The following PCDH10 variants were observed in gnomAD, a reference collection of about 807,000 sequenced individuals.
PCDH10 encodes protocadherin-10.
A neutral mutation model predicts 74.4 loss-of-function variants in PCDH10; 15 were observed. That is an observed-to-expected ratio of 0.20 (90% CI 0.13 to 0.31). PCDH10 has a LOEUF of 0.31. Ranked by LOEUF, PCDH10 falls within the 10% of genes least tolerant of loss-of-function variation. PCDH10 has a pLI of 1.00. For missense variants in PCDH10, 1,260 were observed against 1,390.2 expected (o/e 0.91, Z 1.49); for synonymous variants, 619 against 589.8 (o/e 1.05, Z -0.72).
chr4:133,152,129 T>G lies in PCDH10; in HGVS notation c.1989T>G (p.His663Gln), dbSNP rs759683647. 1 of 1,567,872 alleles carries G rather than the reference T, an allele frequency of 6.4e-7. No homozygotes were observed. The highest frequency in any genetic ancestry group is 8.6e-7 in the Non-Finnish European group (1 of 1,157,362). Residue 663 changes from histidine (H) to glutamine (Q), a missense_variant, in exon 1 of 5, where the codon CAT becomes CAG. By Grantham distance (24) the His-to-Gln change is conservative. Transcript: ENST00000264360. ...AGCTGGTGATCGAGGTGCGCGACCA[T>G]GGGCAGCCGCCCCTTTCCTCCACCG... ...PYELVIEVRD[H>Q]GQPPLSSTAT...
Position 133,153,130 on chromosome 4 carries a change from C to G in PCDH10, c.2631+359C>G, listed in dbSNP as rs371017845. ...TGGAGGAGGGACTTACTTTCTAGCA[C>G]TGGCAAAGGTCTTTTTTCTTTGCGT... On this transcript the variant is annotated intron_variant, in intron 1 of 4. Transcript: ENST00000264360. 80 of 1,247,698 alleles carry G rather than the reference C, an allele frequency of 6.4e-5. 1 individual carries two copies. The African/African-American group carries it at 1.1e-3, about 17-fold the overall frequency. The allele number at this position is 1,247,698 out of a possible 1,614,324, so 77.3% of individuals were successfully genotyped here.
intron 4 of PCDH10, chr4:133,163,955 T>G: frequency 2.2e-6 from 1 of 449,728 alleles, no homozygotes; most frequent in South Asian, 1.6e-5. Context: ...TTGAATGCAT[T>G]GAGGTTGTGG....
intron 2 of PCDH10, among the ~76,000 whole-genome samples, chr4:133,202,924 C>T (rs1348868019): frequency 6.6e-6 from 1 of 152,044 alleles, no homozygotes; most frequent in African/African-American, 2.4e-5. Flanking sequence ...AGAGAAGGGG[C>T]TGAGGAGAGG....
At chr4:133,198,356 A>C (rs1180403368), downstream of PCDH10, among the ~76,000 whole-genome samples, 1 of 152,228 alleles carries the variant, frequency 6.6e-6, no homozygotes, top group Non-Finnish European at 1.5e-5. Flanking sequence ...AACATACATA[A>C]GTTAAAACAA....
chr4:133,206,142 T>C (rs1240545223), intron 2 of PCDH10, among the ~76,000 whole-genome samples: 5 of 152,118 alleles, frequency 3.3e-5, no homozygotes, highest in Non-Finnish European at 7.4e-5. Flanking sequence ...CCTGGTCTTG[T>C]TAGATAACCA....
intron 2 of PCDH10, 79 bp from the exon 3 acceptor site, chr4:133,154,838 T>G (rs1726829771): frequency 2.0e-6 from 2 of 987,424 alleles, no homozygotes; most frequent in South Asian, 2.6e-5. Flanking sequence ...GCACCATCTG[T>G]GACCATGTGG....
At chr4:133,169,293 T>C (rs1727153682) in intron 4 of PCDH10, among the ~76,000 whole-genome samples, 1 of 151,928 alleles carries the variant, frequency 6.6e-6, no homozygotes, top group Admixed American at 6.5e-5. Context: ...ATTTGCATTT[T>C]AAAATTACAT....
Position 133,167,852 on chromosome 4 carries a change from A to G in PCDH10, c.3103+4570A>G, listed in dbSNP as rs956887421. Among the ~76,000 whole-genome samples, 7 of 151,518 alleles carry G rather than the reference A, an allele frequency of 4.6e-5. No homozygotes were observed. In the East Asian group the frequency reaches 1.4e-3, roughly 29 times the overall value. On this transcript the variant is annotated intron_variant, in intron 4 of 4. Transcript: ENST00000264360. ...TAAATTCCTTTATCCAGGAATTATG[A>G]ATAAATCTGGCATTATCAAAAAGTT...
chr4:133,179,329 G>A (rs1727361582), intron 4 of PCDH10, among the ~76,000 whole-genome samples: 2 of 152,070 alleles, frequency 1.3e-5, no homozygotes, highest in South Asian at 2.1e-4. Flanking sequence ...TTTGACTCAT[G>A]TTCTCCTCTT....
At chr4:133,163,997 A>G (rs755594195) in intron 4 of PCDH10, 1 of 454,772 alleles carries the variant, frequency 2.2e-6, no homozygotes, top group South Asian at 1.6e-5. Context: ...AAGCAAATAG[A>G]CAAGTGTTAT....
In PCDH10 at chr4:133,192,503, C is replaced by A. The variant is rs1021702641; in HGVS notation, c.*2343C>A. 3 of 151,488 alleles carry A rather than the reference C, an allele frequency of 2.0e-5. No individual in the cohort carries two copies. The highest frequency in any genetic ancestry group is 4.8e-5 in the African/African-American group (2 of 41,364). The allele number at this position is 151,488 out of a possible 1,614,324, so 9.4% of individuals were successfully genotyped here. A position where few individuals can be genotyped will look rare whatever the true frequency, so the allele number is the denominator to read the frequency against. On this transcript the variant is annotated 3_prime_UTR_variant, in exon 5 of 5. Coordinates refer to ENST00000264360, the MANE Select transcript of PCDH10 (RefSeq NM_032961.3). The stretch of plus-strand genomic sequence containing the variant: ...TTGTCATTTACCTCAAAGACATTTT[C>A]TTTAATTATTTAACCTTTTATATCA...
At chr4:133,206,314 C>T (rs1371458958) in intron 2 of PCDH10, among the ~76,000 whole-genome samples, 1 of 152,176 alleles carries the variant, frequency 6.6e-6, no homozygotes, top group East Asian at 1.9e-4. Flanking sequence ...TAGGAGCTCT[C>T]TGTTTCAACC....
chr4:133,151,929 G>A lies in PCDH10; in HGVS notation c.1789G>A (p.Gly597Ser), dbSNP rs760385009. The change falls in exon 1 of 5, where the codon GGT becomes AGT. Residue 597 changes from glycine (G) to serine (S), a missense_variant. Coordinates refer to ENST00000264360, the MANE Select transcript of PCDH10 (RefSeq NM_032961.3). ...GGTGCTGCCCCGCTCGGCGGAGCCG[G>A]GTTACCTGCTCACCCGCGTGGCCGC... ...REVLPRSAEP[G>S]YLLTRVAAVD... 3 of 1,612,370 alleles carry A rather than the reference G, an allele frequency of 1.9e-6. No individual in the cohort carries two copies. The highest frequency in any genetic ancestry group is 2.5e-6 in the Non-Finnish European group (3 of 1,179,668).
rs745789163 is a variant in PCDH10 at position 133,152,006 on chromosome 4, T to C, written c.1866T>C (p.Arg622=). The C allele has an allele frequency of 8.7e-6, 14 of 1,612,746 alleles. No homozygotes were observed. Among genetic ancestry groups the C allele is most frequent in the Non-Finnish European group, 9.3e-6 (11 of 1,179,826 alleles). ...CCCGGCTCACTTACAGCATCGTGCGTGGCAACGAAATGAACCTCTTTCGCA... is the reference window on the plus strand; with the variant it reads ...CCCGGCTCACTTACAGCATCGTGCGCGGCAACGAAATGAACCTCTTTCGCA... ...ENARLTYSIV[R]GNEMNLFRMD... The change falls in exon 1 of 5, where the codon CGT becomes CGC. Residue 622 remains arginine (R), a synonymous_variant. Transcript: ENST00000264360.
chr4:133,153,732 T>TGGGGGGG (rs1726797940), intron 1 of PCDH10: 1 of 16,474 alleles, frequency 6.1e-5, no homozygotes, highest in African/African-American at 2.5e-4. Flanking sequence ...ATGGGGGTGG[T>TGGGGGGG]GGGGGGCGGG....
At position 133,191,249 on chromosome 4, in the gene PCDH10, A is replaced by G. The variant is rs1385009040; in HGVS notation, c.*1089A>G. ...ACTATTTTAAGAAGTCATCAGTCAT[A>G]TCACTCACACAGAATTTTATTTTAC... On this transcript the variant is annotated 3_prime_UTR_variant, in exon 5 of 5. Coordinates refer to ENST00000264360, the MANE Select transcript of PCDH10 (RefSeq NM_032961.3). 2 of 152,294 alleles carry G rather than the reference A, an allele frequency of 1.3e-5. No individual in the cohort carries two copies. The highest frequency in any genetic ancestry group is 6.6e-5 in the Admixed American group (1 of 15,206). 9.4% of individuals were successfully genotyped at this position (152,294 alleles called of 1,614,324 possible). A position where few individuals can be genotyped will look rare whatever the true frequency, so the allele number is the denominator to read the frequency against.
rs941528949 is a variant in PCDH10, at chr4:133,191,587, C to A, written c.*1427C>A. 1 of 151,920 alleles carries A rather than the reference C, an allele frequency of 6.6e-6. No homozygotes were observed. The highest frequency in any genetic ancestry group is 1.5e-5 in the Non-Finnish European group (1 of 67,652). The allele number at this position is 151,920 out of a possible 1,614,324, so 9.4% of individuals were successfully genotyped here. A position where few individuals can be genotyped will look rare whatever the true frequency, so the allele number is the denominator to read the frequency against. ...AATTTAGTAAGACGCACTTTCCTTTCTTTTATATATTTTTTCTACTGTTGT... is the reference window on the plus strand; with the variant it reads ...AATTTAGTAAGACGCACTTTCCTTTATTTTATATATTTTTTCTACTGTTGT... On this transcript the variant is annotated 3_prime_UTR_variant, in exon 5 of 5. Coordinates refer to ENST00000264360, the MANE Select transcript of PCDH10 (RefSeq NM_032961.3).
intron 2 of PCDH10, among the ~76,000 whole-genome samples, chr4:133,206,429 A>G (rs961504897): frequency 6.6e-6 from 1 of 152,140 alleles, no homozygotes. Context: ...CTGCTTCTTA[A>G]TAACATTTTT....
chr4:133,156,634 A>C (rs1726869457), intron 3 of PCDH10, among the ~76,000 whole-genome samples: 1 of 152,220 alleles, frequency 6.6e-6, no homozygotes, highest in South Asian at 2.1e-4. Context: ...AAAACTTTTA[A>C]AACAAAATGT....
Sources: allele counts gnomAD v4.1 joint callset (sites outside exome capture counted in the v4.1 genomes callset), GRCh38; gene constraint gnomAD v4.1.1; transcripts MANE v1.5; gene names NCBI Gene and HGNC (gene_info 2026-07-23, HGNC 2026-07-21).